The following AATK variants were observed in gnomAD, a reference collection of about 807,000 sequenced individuals.
AATK encodes the protein serine/threonine-protein kinase LMTK1.
In AATK, 91 loss-of-function variants were observed where a neutral mutation model predicts 114.3. That is an observed-to-expected ratio of 0.80 (90% CI 0.67 to 0.95). The LOEUF (loss-of-function observed/expected upper bound fraction) is 0.95, where lower values mean the gene tolerates loss of function less well. Ranked by LOEUF, AATK falls within the 40% of genes least tolerant of loss-of-function variation. The probability of loss-of-function intolerance (pLI) is 0.00; values close to 1 mark genes in which losing one functional copy is unlikely to be tolerated. For missense variants in AATK, 2,176 were observed against 1,965.2 expected (o/e 1.11, Z -2.03); for synonymous variants, 1,075 against 916.5 (o/e 1.17, Z -3.12).
chr17:81,124,900 GCC>G (rs1946454281), intron 8 of AATK, 28 bp downstream of exon 8: 1 of 1,543,418 alleles, frequency 6.5e-7, no homozygotes, highest in Non-Finnish European at 8.8e-7. Context: ...TGCCCCTCAT[GCC>G]CAGCCCAGCC....
rs1598935771 is a variant in AATK, at chr17:81,134,474, C to T, written c.83G>A (p.Trp28Ter). Residue 28 changes from tryptophan to a stop codon, truncating the protein, a stop_gained, in exon 2 of 14, where the codon TGG (tryptophan) becomes TAG (stop). Transcript: ENST00000326724. LOFTEE classifies it high-confidence loss of function. ...PDGAPLSELS[W>*]PSSLAVVAVS... ...AGCCACCACGGCGAGGGAGGATGGCCAGGACAGCTCGCTGAGCGGGGCGCC... is the reference window on the plus strand; with the variant it reads ...AGCCACCACGGCGAGGGAGGATGGCTAGGACAGCTCGCTGAGCGGGGCGCC... 1 of 1,612,922 alleles carries T rather than the reference C, an allele frequency of 6.2e-7. No individual in the cohort carries two copies. The highest frequency in any genetic ancestry group is 8.5e-7 in the Non-Finnish European group (1 of 1,179,698).
At chr17:81,141,330 A>G (rs758421549) in intron 1 of AATK, among the ~76,000 whole-genome samples, 4 of 152,142 alleles carry the variant, frequency 2.6e-5, no homozygotes, top group Non-Finnish European at 5.9e-5. Context: ...GTGTGCCTGT[A>G]ATCCCAGCTA....
chr17:81,128,243 C>T (rs1255840871), intron 4 of AATK, among the ~76,000 whole-genome samples: 1 of 152,168 alleles, frequency 6.6e-6, no homozygotes, highest in African/African-American at 2.4e-5. Context: ...GAGGCTGCTC[C>T]TCTCCCTCCC....
In AATK at chr17:81,121,580, C is replaced by A; in HGVS notation, c.2356G>T (p.Ala786Ser). The A allele has an allele frequency of 6.6e-7, 1 of 1,509,240 alleles. No homozygotes were observed. The highest frequency in any genetic ancestry group is 8.9e-7 in the Non-Finnish European group (1 of 1,129,194). The allele number at this position is 1,509,240 out of a possible 1,614,324, so 93.5% of individuals were successfully genotyped here. The change falls in exon 11 of 14, where the codon GCT becomes TCT. Residue 786 changes from alanine to serine, a missense_variant. Ala to Ser is a moderately conservative substitution (Grantham distance 99). Transcript: ENST00000326724. ...PQAEPKLATE[A>S]EGTTGPRLPL... is the part of the protein sequence containing the mutation. Reference sequence around the variant, plus strand: ...AGGCGGGGTCCGGTAGTGCCCTCAGCCTCCGTGGCAAGCTTGGGCTCTGCC... The same window carrying A: ...AGGCGGGGTCCGGTAGTGCCCTCAGACTCCGTGGCAAGCTTGGGCTCTGCC...
intron 1 of AATK, among the ~76,000 whole-genome samples, chr17:81,143,494 C>T (rs1174771032): frequency 1.6e-4 from 8 of 51,326 alleles, no homozygotes; most frequent in South Asian, 1.1e-3. Context: ...CCCTGCCTCC[C>T]GTGTCCACGC....
intron 11 of AATK, 52 bp from the exon 12 acceptor site, chr17:81,120,135 C>G (rs1012231618): frequency 2.3e-5 from 35 of 1,504,034 alleles, no homozygotes; most frequent in Non-Finnish European, 2.9e-5. Context: ...GCCGCGGCCG[C>G]TCCCACCCCT....
In AATK at chr17:81,124,948, C is replaced by T; in HGVS notation, c.822G>A (p.Leu274=). The T allele has an allele frequency of 6.3e-7, 1 of 1,576,790 alleles. No homozygotes were observed. Among genetic ancestry groups the T allele is most frequent in the South Asian group, 1.2e-5 (1 of 85,350 alleles). The change falls in exon 8 of 14, where the codon CTG becomes CTA. Residue 274 remains leucine (L), a synonymous_variant. Transcript: ENST00000326724. ...DLTVKIGDYG[L]AHCKYREDYF... ...CACTCACTCTGTACTTGCAGTGAGC[C>T]AGGCCATAGTCACCAATCTTCACCG...
At position 81,118,208 on chromosome 17, in the gene AATK, G is replaced by A. The variant is rs563397374; in HGVS notation, c.*194C>T. ...CCCAGACGAATTCTGCCTCTGGGGCGGAGCATGGCCGATCTACCATCCAGG... is the reference window on the plus strand; with the variant it reads ...CCCAGACGAATTCTGCCTCTGGGGCAGAGCATGGCCGATCTACCATCCAGG... On this transcript the variant is annotated 3_prime_UTR_variant, in exon 14 of 14. Transcript: ENST00000326724. 77 of 596,878 alleles carry A rather than the reference G, an allele frequency of 1.3e-4. No homozygotes were observed. Among genetic ancestry groups the A allele is most frequent in the Middle Eastern group, 4.5e-4 (1 of 2,204 alleles). 37.0% of individuals were successfully genotyped at this position (596,878 alleles called of 1,614,324 possible).
In AATK at chr17:81,165,480, G is replaced by A. The variant is rs73370025; in HGVS notation, c.55+458C>T. 5.1e-3 allele frequency: 2,189 copies of A among 432,122 alleles called. 37 individuals are homozygous for A. The highest frequency in any genetic ancestry group is 0.042 in the African/African-American group (2,047 of 48,874). 26.8% of individuals were successfully genotyped at this position (432,122 alleles called of 1,614,324 possible). A position where few individuals can be genotyped will look rare whatever the true frequency, so the allele number is the denominator to read the frequency against. On this transcript the variant is annotated intron_variant, in intron 1 of 13. Coordinates refer to ENST00000326724, the MANE Select transcript of AATK (RefSeq NM_001080395.3). ...CCTGCTCCCCCCACATCCCCCGCCG[G>A]CTGCTGGTGGCTGGGCAGGGCTCTG...
At chr17:81,154,159 G>A (rs1319073050) in intron 1 of AATK, among the ~76,000 whole-genome samples, 5 of 152,024 alleles carry the variant, frequency 3.3e-5, no homozygotes, top group African/African-American at 4.8e-5. Context: ...CACAGCCTAC[G>A]AGAAAAAAAG....
intron 1 of AATK, among the ~76,000 whole-genome samples, chr17:81,138,608 A>AAC (rs201892900): frequency 1.4e-5 from 2 of 143,894 alleles, no homozygotes; most frequent in African/African-American, 2.6e-5. Context: ...CCACACGCAC[A>AAC]ACACACACAC....
chr17:81,134,746 A>T (rs922443467), intron 1 of AATK, among the ~76,000 whole-genome samples: 2 of 152,196 alleles, frequency 1.3e-5, no homozygotes, highest in South Asian at 4.1e-4. Context: ...TGGCAGAGTG[A>T]CCAGAGCCTG....
chr17:81,147,298 T>C (rs929935803), intron 1 of AATK, among the ~76,000 whole-genome samples: 2 of 147,956 alleles, frequency 1.4e-5, no homozygotes, highest in Admixed American at 1.3e-4. Flanking sequence ...AAGGCAGAGG[T>C]TGCAGTGAGC....
Position 81,118,254 on chromosome 17 carries a change from C to A in AATK, c.*148G>T. The A allele has an allele frequency of 1.3e-6, 1 of 761,270 alleles. No homozygotes were observed. 47.2% of individuals were successfully genotyped at this position (761,270 alleles called of 1,614,324 possible). ...CCAGGGCCTCTCATCCCACGGGCTTCTCCAGGACACCGCGTGGGGCAGAGG... is the reference window on the plus strand; with the variant it reads ...CCAGGGCCTCTCATCCCACGGGCTTATCCAGGACACCGCGTGGGGCAGAGG... On this transcript the variant is annotated 3_prime_UTR_variant, in exon 14 of 14. Coordinates refer to ENST00000326724, the MANE Select transcript of AATK (RefSeq NM_001080395.3).
chr17:81,133,385 A>C (rs773861693), intron 2 of AATK: 32 of 335,484 alleles, frequency 9.5e-5, no homozygotes, highest in Non-Finnish European at 1.4e-4. Context: ...ACTGTCTCCC[A>C]AATGGGGGTG....
intron 1 of AATK, among the ~76,000 whole-genome samples, chr17:81,140,765 G>T (rs1322250144): frequency 0.043 from 4,188 of 96,420 alleles, 978 homozygotes; most frequent in South Asian, 0.071. Context: ...CGTGAGCCGT[G>T]GGGCTGTGGG....
At position 81,166,102 on chromosome 17, in the gene AATK, G is replaced by T; in HGVS notation, c.-110C>A. On this transcript the variant is annotated 5_prime_UTR_variant, in exon 1 of 14. Coordinates refer to ENST00000326724, the MANE Select transcript of AATK (RefSeq NM_001080395.3). ...AGCGGCCGCCGCAGGTGCGGAGCGC[G>T]CCGGCCCCCGCGCCCCGCGCCCCCC... The T allele has an allele frequency of 3.5e-6, 2 of 576,324 alleles. No homozygotes were observed. Among genetic ancestry groups the T allele is most frequent in the Non-Finnish European group, 4.4e-6 (2 of 459,174 alleles). 35.7% of individuals were successfully genotyped at this position (576,324 alleles called of 1,614,324 possible).
chr17:81,160,226 C>T (rs2061414069), intron 1 of AATK: 2 of 984,220 alleles, frequency 2.0e-6, no homozygotes, highest in African/African-American at 3.5e-5. Flanking sequence ...TCCCAGAAAC[C>T]CCCACGTACC....
At position 81,119,786 on chromosome 17, in the gene AATK, C is replaced by G. The variant is rs939565512; in HGVS notation, c.3883+150G>C. The stretch of plus-strand genomic sequence containing the variant: ...GTGACGTCACGTACCAGACCCGCCT[C>G]CCATGACGACACGGGCCAAAGCCCG... On this transcript the variant is annotated intron_variant, in intron 12 of 13. Coordinates refer to ENST00000326724, the MANE Select transcript of AATK (RefSeq NM_001080395.3). 3.9e-6 allele frequency: 5 copies of G among 1,293,492 alleles called. No homozygotes were observed. The African/African-American group carries it at 7.9e-5, about 20-fold the overall frequency. The allele number at this position is 1,293,492 out of a possible 1,614,324, so 80.1% of individuals were successfully genotyped here.
Sources: gnomAD v4.1 joint callset for allele counts (sites outside exome capture counted in the v4.1 genomes callset) on GRCh38, gnomAD v4.1.1 for gene constraint, MANE v1.5 for transcripts, NCBI Gene and HGNC (gene_info 2026-07-23, HGNC 2026-07-21) for gene names.